Variants in SEMA5A observed in about 807,000 individuals in gnomAD.
The protein encoded by SEMA5A is semaphorin 5A, also known as semaphorin-5A.
Under a neutral mutation model 135.5 loss-of-function variants are expected in SEMA5A, and 55 were observed. The ratio of observed to expected loss-of-function variants is 0.41; its 90% CI spans 0.33 to 0.51. The LOEUF (loss-of-function observed/expected upper bound fraction) is 0.51. SEMA5A is among the 20% of genes least tolerant of loss of function. SEMA5A has a pLI of 0.37. For synonymous variants in SEMA5A, 580 were observed against 546.5 expected (o/e 1.06, Z -0.85); for missense variants, 1,290 against 1,419.9 (o/e 0.91, Z 1.47).
intron 10 of SEMA5A, among the ~76,000 whole-genome samples, chr5:9,196,308 G>A (rs1479633122): frequency 6.6e-6 from 1 of 152,198 alleles, no homozygotes; most frequent in Non-Finnish European, 1.5e-5. Flanking sequence ...CCCTGGTCCA[G>A]TGGAGCTGGT....
intron 11 of SEMA5A, among the ~76,000 whole-genome samples, chr5:9,183,428 C>A (rs73038887): frequency 9.8e-4 from 150 of 152,294 alleles, no homozygotes; most frequent in African/African-American, 3.5e-3. Context: ...ATCCCACTCC[C>A]AGAAGCGTGC....
intron 16 of SEMA5A, among the ~76,000 whole-genome samples, chr5:9,095,099 T>C (rs893028329): frequency 6.6e-6 from 1 of 152,202 alleles, no homozygotes; most frequent in Non-Finnish European, 1.5e-5. Context: ...GGCTTCTAAA[T>C]ATAACCTTGT....
intron 5 of SEMA5A, among the ~76,000 whole-genome samples, chr5:9,250,403 A>G (rs1280807844): frequency 6.6e-6 from 1 of 152,154 alleles, no homozygotes; most frequent in Non-Finnish European, 1.5e-5. Context: ...TTCCACCCCC[A>G]TAAGTAACTT....
intron 1 of SEMA5A, among the ~76,000 whole-genome samples, chr5:9,494,144 C>T (rs268497): frequency 0.97 from 147,802 of 152,292 alleles, 71,953 homozygotes; most frequent in Non-Finnish European, 1. Context: ...CTCCCTTGTG[C>T]AATTGGTATT....
Position 9,394,343 on chromosome 5 carries a change from G to C in SEMA5A, c.-77-14320C>G, listed in dbSNP as rs147505273. ...GTGGTAACCATTTACCATGTGAGAA[G>C]CAAGGAAGCCTCCAGGAAGCGTGCT... On this transcript the variant is annotated intron_variant, in intron 2 of 22. Transcript: ENST00000382496. Among the ~76,000 whole-genome samples the C allele has an allele frequency of 3.6e-4, 55 of 152,250 alleles. 2 individuals are homozygous for C. The East Asian group carries it at 0.011, about 29-fold the overall frequency.
At chr5:9,075,730 C>T (rs1282304923) in intron 16 of SEMA5A, among the ~76,000 whole-genome samples, 1 of 152,124 alleles carries the variant, frequency 6.6e-6, no homozygotes, top group African/African-American at 2.4e-5. Context: ...TGGACATGTT[C>T]ACTACCTTTA....
At chr5:9,291,748 T>A (rs16882400) in intron 5 of SEMA5A, among the ~76,000 whole-genome samples, 9,854 of 150,342 alleles carry the variant, frequency 0.066, 725 homozygotes, top group African/African-American at 0.17. Context: ...TAAACAAACT[T>A]CTCAGCCAAG....
In SEMA5A at chr5:9,509,106, A is replaced by G. The variant is rs1254436960; in HGVS notation, c.-175+36478T>C. On this transcript the variant is annotated intron_variant, in intron 1 of 22. Coordinates refer to ENST00000382496, the MANE Select transcript of SEMA5A (RefSeq NM_003966.3). ...TACAAGGTGGTGCTTTCTACTACTC[A>G]CCAGGACAGCATCACTACAAGGGGA... is the stretch of plus-strand genomic sequence containing the variant. Among the ~76,000 whole-genome samples the G allele has an allele frequency of 7.9e-5, 12 of 151,120 alleles. No individual in the cohort carries two copies. In the Admixed American group the frequency reaches 8.0e-4, roughly 10 times the overall value.
At chr5:9,136,421 C>T (rs140253172) in intron 13 of SEMA5A, 83 bp downstream of exon 13, 121 of 1,143,154 alleles carry the variant, frequency 1.1e-4, no homozygotes, top group Admixed American at 1.6e-4. Flanking sequence ...GTGCAGACAG[C>T]GTGACAGTGT....
At chr5:9,191,420 C>T (rs1745105871) in intron 10 of SEMA5A, among the ~76,000 whole-genome samples, 1 of 152,190 alleles carries the variant, frequency 6.6e-6, no homozygotes, top group Admixed American at 6.5e-5. Flanking sequence ...AAACTACTAC[C>T]AATCCTTCTC....
intron 1 of SEMA5A, among the ~76,000 whole-genome samples, chr5:9,459,189 C>G (rs1419946758): frequency 6.6e-6 from 1 of 152,104 alleles, no homozygotes; most frequent in South Asian, 2.1e-4. Context: ...TTTGAGGGAT[C>G]GTAATTTAAA....
intron 2 of SEMA5A, among the ~76,000 whole-genome samples, chr5:9,402,963 T>A (rs929365057): frequency 7.9e-5 from 12 of 152,106 alleles, no homozygotes; most frequent in African/African-American, 2.7e-4. Flanking sequence ...CACTCCAAAT[T>A]CCTCTTCCTG....
chr5:9,502,269 G>A (rs1038336073), intron 1 of SEMA5A, among the ~76,000 whole-genome samples: 3 of 152,230 alleles, frequency 2.0e-5, no homozygotes, highest in Non-Finnish European at 2.9e-5. Flanking sequence ...GGTGTAACAC[G>A]CATAGTTGGA....
At chr5:9,186,259 G>A (rs1238124295) in intron 11 of SEMA5A, among the ~76,000 whole-genome samples, 1 of 152,184 alleles carries the variant, frequency 6.6e-6, no homozygotes, top group Non-Finnish European at 1.5e-5. Flanking sequence ...ATCTGGGGAA[G>A]ACTGCTGACT....
At chr5:9,323,285 A>T (rs1304794108) in intron 4 of SEMA5A, among the ~76,000 whole-genome samples, 1 of 152,208 alleles carries the variant, frequency 6.6e-6, no homozygotes, top group Non-Finnish European at 1.5e-5. Context: ...CATTCAACAA[A>T]AGTATTTTTA....
At chr5:9,390,022 C>T (rs79264434) in intron 2 of SEMA5A, among the ~76,000 whole-genome samples, 1 of 152,234 alleles carries the variant, frequency 6.6e-6, no homozygotes, top group African/African-American at 2.4e-5. Context: ...GCCTCTCTAC[C>T]TTACCTCTGT....
chr5:9,093,015 G>A (rs1739119894), intron 16 of SEMA5A, among the ~76,000 whole-genome samples: 1 of 152,130 alleles, frequency 6.6e-6, no homozygotes, highest in Admixed American at 6.5e-5. Context: ...TAATAGTGTA[G>A]TGGAAATTTC....
At chr5:9,483,944 A>G (rs1040456777) in intron 1 of SEMA5A, among the ~76,000 whole-genome samples, 6 of 152,154 alleles carry the variant, frequency 3.9e-5, no homozygotes, top group African/African-American at 1.4e-4. Flanking sequence ...TGTGGCCAAC[A>G]TATGTATCAA....
intron 16 of SEMA5A, among the ~76,000 whole-genome samples, chr5:9,082,587 A>C (rs1738450423): frequency 6.6e-6 from 1 of 152,320 alleles, no homozygotes. Context: ...TCCTTAACCT[A>C]GTTCCTCCAC....
Sources: allele counts gnomAD v4.1 joint callset (sites outside exome capture counted in the v4.1 genomes callset), GRCh38; gene constraint gnomAD v4.1.1; transcripts MANE v1.5; gene names NCBI Gene and HGNC (gene_info 2026-07-23, HGNC 2026-07-21).